The following KLF12 variants were observed in gnomAD, a reference collection of about 807,000 sequenced individuals.
KLF12 encodes the protein Krueppel-like factor 12.
In KLF12, 9 loss-of-function variants were observed where a neutral mutation model predicts 37.8. That is an observed-to-expected ratio of 0.24 (90% CI 0.14 to 0.42). The LOEUF (loss-of-function observed/expected upper bound fraction) is 0.42, where lower values mean the gene tolerates loss of function less well. KLF12 is among the 10% of genes least tolerant of loss of function. KLF12 has a pLI of 1.00. For missense variants in KLF12, 411 were observed against 516.0 expected, an observed-to-expected ratio of 0.80 and a Z score of 1.97; for synonymous variants, 208 against 202.1, an observed-to-expected ratio of 1.03 and a Z score of -0.25.
intron 3 of KLF12, among the ~76,000 whole-genome samples, chr13:73,879,018 G>C (rs1886850638): frequency 6.6e-6 from 1 of 152,146 alleles, no homozygotes; most frequent in African/African-American, 2.4e-5. Flanking sequence ...TGTTTTAAAA[G>C]GATCATTTTG....
chr13:73,810,982 CTTTTTTT>C (rs376490803), intron 5 of KLF12, among the ~76,000 whole-genome samples: 19 of 44,810 alleles, frequency 4.2e-4, no homozygotes, highest in Admixed American at 6.4e-4. Flanking sequence ...ATTTTTCTTT[CTTTTTTT>C]TTTTTTTTTT....
chr13:74,121,345 T>C (rs12429484), intron 1 of KLF12, among the ~76,000 whole-genome samples: 28,704 of 151,886 alleles, frequency 0.19, 3,589 homozygotes, highest in African/African-American at 0.35. Flanking sequence ...TTCCAAAAAA[T>C]AGAAGAGAAT....
At chr13:73,725,871 ATTTATTT>A (rs1032896145) in intron 6 of KLF12, among the ~76,000 whole-genome samples, 5 of 149,224 alleles carry the variant, frequency 3.4e-5, no homozygotes, top group African/African-American at 1.2e-4. Context: ...TTATTTATTT[ATTTATTT>A]ATTTTTTGAG....
At chr13:74,293,988 G>C in the KLF12 span, among the ~76,000 whole-genome samples, 2 of 152,110 alleles carry the variant, frequency 1.3e-5, no homozygotes, top group Admixed American at 6.5e-5. Flanking sequence ...CTCAATGTTA[G>C]TTGTCTTAGA....
chr13:74,054,881 A>G (rs1873153051), intron 1 of KLF12, among the ~76,000 whole-genome samples: 1 of 152,232 alleles, frequency 6.6e-6, no homozygotes, highest in Admixed American at 6.5e-5. Flanking sequence ...CTAATTTGAA[A>G]TTAGCAAAGA....
At chr13:74,198,769 T>G in the KLF12 span, among the ~76,000 whole-genome samples, 2 of 152,170 alleles carry the variant, frequency 1.3e-5, no homozygotes, top group Non-Finnish European at 2.9e-5. Flanking sequence ...GAGAGAGGGC[T>G]CATCCAGGGG....
At chr13:74,133,030 C>G (rs1878349092) in intron 1 of KLF12, among the ~76,000 whole-genome samples, 1 of 152,218 alleles carries the variant, frequency 6.6e-6, no homozygotes, top group Non-Finnish European at 1.5e-5. Context: ...CAAAGTTGCC[C>G]CTTGTCAACT....
chr13:74,115,368 G>A (rs901723103), intron 1 of KLF12, among the ~76,000 whole-genome samples: 4 of 152,104 alleles, frequency 2.6e-5, no homozygotes, highest in Non-Finnish European at 5.9e-5. Flanking sequence ...CAGTTGTAGA[G>A]AAGGGGAAAA....
chr13:74,292,272 C>T, the KLF12 span, among the ~76,000 whole-genome samples: 1 of 152,132 alleles, frequency 6.6e-6, no homozygotes, highest in African/African-American at 2.4e-5. Context: ...ATCCCAACTC[C>T]AACCATTAGT....
At chr13:74,153,214 T>C in the KLF12 span, among the ~76,000 whole-genome samples, 3 of 152,180 alleles carry the variant, frequency 2.0e-5, no homozygotes, top group Non-Finnish European at 4.4e-5. Context: ...GTATTCCCCA[T>C]TCAAGTTTAC....
chr13:73,812,475 C>A (rs2138430609), intron 5 of KLF12, among the ~76,000 whole-genome samples: 1 of 151,166 alleles, frequency 6.6e-6, no homozygotes, highest in South Asian at 2.1e-4. Flanking sequence ...TAAATCAGCA[C>A]ATATACTTTA....
the KLF12 span, among the ~76,000 whole-genome samples, chr13:74,215,229 A>T: frequency 6.6e-6 from 1 of 151,744 alleles, no homozygotes; most frequent in Admixed American, 6.6e-5. Flanking sequence ...CAAATTTTGT[A>T]TATTTTTATC....
chr13:74,021,930 A>G (rs1260897136), intron 1 of KLF12, among the ~76,000 whole-genome samples: 2 of 152,212 alleles, frequency 1.3e-5, no homozygotes, highest in Non-Finnish European at 2.9e-5. Flanking sequence ...ACCAATGATG[A>G]GGTCTCCCTA....
At chr13:74,071,405 G>A (rs1874227680) in intron 1 of KLF12, among the ~76,000 whole-genome samples, 1 of 152,060 alleles carries the variant, frequency 6.6e-6, no homozygotes, top group Non-Finnish European at 1.5e-5. Context: ...AAATGACTGG[G>A]GCCGGGCGCA....
rs189815538 is a variant in KLF12, at chr13:74,006,283, C to T, written c.-31-11230G>A. On this transcript the variant is annotated intron_variant, in intron 1 of 7. Coordinates refer to ENST00000377669, the MANE Select transcript of KLF12 (RefSeq NM_007249.5). ...GATTCTTACCTCTGTTCTCTCTAAC[C>T]ATTACCATCAGATGTCTTTTGAAGA... Among the ~76,000 whole-genome samples the T allele has an allele frequency of 2.3e-3, 352 of 152,250 alleles. 4 individuals are homozygous for T. The highest frequency in any genetic ancestry group is 7.8e-3 in the African/African-American group (326 of 41,536).
At chr13:74,135,650 C>G (rs934248760), upstream of KLF12, among the ~76,000 whole-genome samples, 42 of 151,874 alleles carry the variant, frequency 2.8e-4, no homozygotes, top group African/African-American at 8.9e-4. Flanking sequence ...CGCCTCCTCA[C>G]CATCCTAGGT....
Position 73,839,470 on chromosome 13 carries a change from T to C in KLF12, c.670+6357A>G, listed in dbSNP as rs551596333. Among the ~76,000 whole-genome samples the C allele has an allele frequency of 5.3e-5, 8 of 152,240 alleles. No individual in the cohort carries two copies. The East Asian group carries it at 7.7e-4, about 15-fold the overall frequency. On this transcript the variant is annotated intron_variant, in intron 4 of 7. Transcript: ENST00000377669. ...CTATTAATGTTTAAATGTAAAAAAATGCCTTTAAAGGACAAAGTAATAATT... is the reference window on the plus strand; with the variant it reads ...CTATTAATGTTTAAATGTAAAAAAACGCCTTTAAAGGACAAAGTAATAATT...
chr13:73,695,619 A>G lies in KLF12; in HGVS notation c.1080T>C (p.Arg360=). 6.2e-7 allele frequency: 1 copy of G among 1,614,110 alleles called. No individual in the cohort carries two copies. Among genetic ancestry groups the G allele is most frequent in the Non-Finnish European group, 8.5e-7 (1 of 1,179,962 alleles). ...GGTAATGCCTCGTCAGTTCATCTGA[A>G]CGAGCGAACTTCCAGGTGCAGCCTT... Residue 360 remains arginine, a synonymous_variant, in exon 8 of 8, where the codon CGT becomes CGC. Coordinates refer to ENST00000377669, the MANE Select transcript of KLF12 (RefSeq NM_007249.5).
At chr13:73,807,198 A>T (rs1882690827) in intron 5 of KLF12, among the ~76,000 whole-genome samples, 2 of 152,020 alleles carry the variant, frequency 1.3e-5, no homozygotes. Context: ...AATCCCAGCT[A>T]CTTAGGATGC....
Sources: allele counts gnomAD v4.1 joint callset (sites outside exome capture counted in the v4.1 genomes callset), GRCh38; gene constraint gnomAD v4.1.1; transcripts MANE v1.5; gene names NCBI Gene and HGNC (gene_info 2026-07-23, HGNC 2026-07-21).